Variants in CCDC13 observed in about 807,000 individuals in gnomAD.
CCDC13 encodes the protein coiled-coil domain containing 13.
In CCDC13, 70 loss-of-function variants were observed where a neutral mutation model predicts 87.3. That is an observed-to-expected ratio of 0.80 (90% CI 0.66 to 0.98). The LOEUF is 0.98. CCDC13 is among the 50% of genes least tolerant of loss of function. CCDC13 has a pLI of 0.00. For synonymous variants in CCDC13, 317 were observed against 360.3 expected (o/e 0.88, Z 1.36); for missense variants, 842 against 892.0 (o/e 0.94, Z 0.71).
chr3:42,749,048 C>T (rs1470742651), intron 5 of CCDC13, among the ~76,000 whole-genome samples: 3 of 152,142 alleles, frequency 2.0e-5, no homozygotes, highest in Non-Finnish European at 4.4e-5. Flanking sequence ...TGTGAGCCAC[C>T]GTGCCCGGCC....
At chr3:42,752,514 A>C (rs1699609464) in intron 4 of CCDC13, 61 bp downstream of exon 4, 1 of 1,601,556 alleles carries the variant, frequency 6.2e-7, no homozygotes, top group Admixed American at 1.7e-5. Flanking sequence ...GAAGCTAGGG[A>C]GGTTCCCTCT....
At position 42,718,545 on chromosome 3, in the gene CCDC13, C is replaced by A. The variant is rs983096339; in HGVS notation, c.1719-5229G>T. ...CCCTGAATTCTTTCTTGCATGAGATCCAAGAACCCTCTCTTGGGGTCTGGA... is the reference window on the plus strand; with the variant it reads ...CCCTGAATTCTTTCTTGCATGAGATACAAGAACCCTCTCTTGGGGTCTGGA... On this transcript the variant is annotated intron_variant, in intron 13 of 15. Coordinates refer to ENST00000310232, the MANE Select transcript of CCDC13 (RefSeq NM_144719.4). Among the ~76,000 whole-genome samples the A allele has an allele frequency of 2.0e-5, 3 of 152,130 alleles. No homozygotes were observed. In the East Asian group the frequency reaches 5.8e-4, roughly 29 times the overall value.
At chr3:42,728,814 G>A (rs1209496685) in intron 13 of CCDC13, among the ~76,000 whole-genome samples, 1 of 152,174 alleles carries the variant, frequency 6.6e-6, no homozygotes, top group Non-Finnish European at 1.5e-5. Flanking sequence ...CAGAGTAGCA[G>A]GAGGAACCCA....
chr3:42,729,241 T>C (rs772649623), intron 13 of CCDC13, among the ~76,000 whole-genome samples: 1 of 152,216 alleles, frequency 6.6e-6, no homozygotes, highest in Non-Finnish European at 1.5e-5. Flanking sequence ...AAGCCTGCAT[T>C]GAGTATGTTT....
chr3:42,726,469 TAGTA>T (rs762340453), intron 13 of CCDC13, among the ~76,000 whole-genome samples: 1 of 152,016 alleles, frequency 6.6e-6, no homozygotes, highest in Non-Finnish European at 1.5e-5. Context: ...CAGCCCAAAA[TAGTA>T]AGGGTAAAGA....
At chr3:42,734,722 C>T (rs1335021390) in intron 10 of CCDC13, among the ~76,000 whole-genome samples, 2 of 152,202 alleles carry the variant, frequency 1.3e-5, no homozygotes, top group Admixed American at 6.5e-5. Flanking sequence ...GTCAATTTCC[C>T]AGTGGGCCAG....
intron 13 of CCDC13, among the ~76,000 whole-genome samples, chr3:42,715,725 C>T (rs1468318445): frequency 2.6e-5 from 4 of 152,322 alleles, no homozygotes. Flanking sequence ...AGATACTGAA[C>T]AACTCCATCA....
chr3:42,711,865 C>T (rs903986692), intron 14 of CCDC13, among the ~76,000 whole-genome samples: 22 of 152,192 alleles, frequency 1.4e-4, no homozygotes, highest in Non-Finnish European at 1.6e-4. Context: ...CCCTCACTGT[C>T]CAGCAGGGAA....
chr3:42,727,628 A>C (rs1379473059), intron 13 of CCDC13, among the ~76,000 whole-genome samples: 1 of 152,198 alleles, frequency 6.6e-6, no homozygotes, highest in African/African-American at 2.4e-5. Flanking sequence ...GGTTTAAAAA[A>C]AGAATGTGGA....
Position 42,730,536 on chromosome 3 carries a change from T to A in CCDC13, c.1649A>T (p.Lys550Met). The A allele has an allele frequency of 6.2e-7, 1 of 1,614,156 alleles. No homozygotes were observed. The highest frequency in any genetic ancestry group is 8.5e-7 in the Non-Finnish European group (1 of 1,180,000). ...CACCTCGGCAGCCTGCCAGAGGGCCTTGATCTCTGACACTTGTGCCTGCCA... is the reference window on the plus strand; with the variant it reads ...CACCTCGGCAGCCTGCCAGAGGGCCATGATCTCTGACACTTGTGCCTGCCA... ...KGWQAQVSEI[K>M]ALWQAAEVER... is the part of the protein sequence containing the mutation. The change falls in exon 13 of 16, where the codon AAG becomes ATG. Residue 550 changes from lysine to methionine, a missense_variant. Transcript: ENST00000310232.
intron 1 of CCDC13, among the ~76,000 whole-genome samples, chr3:42,764,518 C>T (rs1301647148): frequency 6.6e-6 from 1 of 152,260 alleles, no homozygotes; most frequent in African/African-American, 2.4e-5. Context: ...GTCCCTGCCA[C>T]CTCCAGATGC....
In CCDC13 at chr3:42,709,024, CA is replaced by C; in HGVS notation, c.2103del (p.Ser701ArgfsTer32). On this transcript the variant is annotated frameshift_variant, in exon 16 of 16. Coordinates refer to ENST00000310232, the MANE Select transcript of CCDC13 (RefSeq NM_144719.4). LOFTEE classifies it high-confidence loss of function. The stretch of plus-strand genomic sequence containing the variant: ...TGCTGCCGCAGGGCCTGCAGGAAGA[CA>C]CTTTTCACCTGGCCCAGGATCTCAT... ...MYHEILGQVK[S>X]VFLQALRQQK... The C allele has an allele frequency of 6.2e-7, 1 of 1,613,930 alleles. No homozygotes were observed. Among genetic ancestry groups the C allele is most frequent in the Non-Finnish European group, 8.5e-7 (1 of 1,179,892 alleles).
chr3:42,766,210 A>G (rs959574881), intron 1 of CCDC13, among the ~76,000 whole-genome samples: 1 of 152,070 alleles, frequency 6.6e-6, no homozygotes, highest in African/African-American at 2.4e-5. Context: ...AAGGTGGTGG[A>G]CTTTGAGATG....
In CCDC13 at chr3:42,708,224, C is replaced by G. The variant is rs1489699989; in HGVS notation, c.*756G>C. ...CTGGGTAATCTCTGAACGGCAAGAC[C>G]CTGGTTTTGGGGTCAGGCAGACTGC... is the stretch of plus-strand genomic sequence containing the variant. On this transcript the variant is annotated 3_prime_UTR_variant, in exon 16 of 16. Coordinates refer to ENST00000310232, the MANE Select transcript of CCDC13 (RefSeq NM_144719.4). 3 of 152,026 alleles carry G rather than the reference C, an allele frequency of 2.0e-5. No homozygotes were observed. Among genetic ancestry groups the G allele is most frequent in the Admixed American group, 2.0e-4 (3 of 15,268 alleles). The allele number at this position is 152,026 out of a possible 1,614,324, so 9.4% of individuals were successfully genotyped here. A position where few individuals can be genotyped will look rare whatever the true frequency, so the allele number is the denominator to read the frequency against.
chr3:42,743,587 T>TTATATA (rs1553690701), intron 7 of CCDC13, among the ~76,000 whole-genome samples: 7 of 97,676 alleles, frequency 7.2e-5, no homozygotes, highest in African/African-American at 1.5e-4. Flanking sequence ...CTGGATAATT[T>TTATATA]TATATATATA....
chr3:42,750,455 T>G (rs1205607545), intron 5 of CCDC13, among the ~76,000 whole-genome samples: 1 of 152,052 alleles, frequency 6.6e-6, no homozygotes, highest in African/African-American at 2.4e-5. Flanking sequence ...GTTTTTTTGG[T>G]GGTTGTTGTA....
chr3:42,753,658 T>C (rs143805667), intron 3 of CCDC13, among the ~76,000 whole-genome samples: 1 of 152,248 alleles, frequency 6.6e-6, no homozygotes, highest in Non-Finnish European at 1.5e-5. Flanking sequence ...CTATTTTAGA[T>C]GGAGTGGCCA....
At position 42,727,383 on chromosome 3, in the gene CCDC13, A is replaced by T. The variant is rs11923624; in HGVS notation, c.1718+3084T>A. ...AGAGACTCGGTCTCAAAAAAAGAAA[A>T]GAAAAATAAATAAATAAATAAATAA... is the stretch of plus-strand genomic sequence containing the variant. On this transcript the variant is annotated intron_variant, in intron 13 of 15. Coordinates refer to ENST00000310232, the MANE Select transcript of CCDC13 (RefSeq NM_144719.4). 4.4e-3 allele frequency among the ~76,000 whole-genome samples: 669 copies of T among 152,210 alleles called. 1 individual carries two copies. Among genetic ancestry groups the T allele is most frequent in the Admixed American group, 0.012 (187 of 15,292 alleles).
chr3:42,758,939 G>A (rs1465053857), intron 1 of CCDC13, among the ~76,000 whole-genome samples: 2 of 151,978 alleles, frequency 1.3e-5, no homozygotes, highest in East Asian at 1.9e-4. Flanking sequence ...ATCCCCCAAG[G>A]TAACCATTAT....
Sources: allele counts gnomAD v4.1 joint callset (sites outside exome capture counted in the v4.1 genomes callset), GRCh38; gene constraint gnomAD v4.1.1; transcripts MANE v1.5; gene names NCBI Gene and HGNC (gene_info 2026-07-23, HGNC 2026-07-21).